Variants in PSMD3 observed in about 807,000 individuals in gnomAD.
PSMD3 encodes 26S proteasome non-ATPase regulatory subunit 3.
In PSMD3, 5 loss-of-function variants were observed where a neutral mutation model predicts 62.8. The observed-to-expected ratio is 0.08, with a 90% CI of 0.04 to 0.17. PSMD3 has a LOEUF of 0.17. PSMD3 is among the 10% of genes least tolerant of loss of function. The pLI is 1.00. For missense variants in PSMD3, 524 were observed against 713.6 expected, an observed-to-expected ratio of 0.73 and a Z score of 3.03; for synonymous variants, 265 against 283.9, an observed-to-expected ratio of 0.93 and a Z score of 0.67.
chr17:39,994,316 TG>T (rs1212573388), intron 6 of PSMD3: 1 of 152,756 alleles, frequency 6.5e-6, no homozygotes, highest in East Asian at 1.9e-4. Flanking sequence ...ACTCCTGAGT[TG>T]GGGGGCGTCA....
Position 39,981,043 on chromosome 17 carries a change from G to A in PSMD3, c.73G>A (p.Glu25Lys). The A allele has an allele frequency of 6.5e-7, 1 of 1,549,836 alleles. No homozygotes were observed. The highest frequency in any genetic ancestry group is 8.7e-7 in the Non-Finnish European group (1 of 1,146,764). Residue 25 changes from glutamate (E) to lysine (K), a missense_variant, in exon 1 of 12, where the codon GAA becomes AAA. Physicochemically the swap from Glu to Lys is moderately conservative, Grantham distance 56. Coordinates refer to ENST00000264639, the MANE Select transcript of PSMD3 (RefSeq NM_002809.4). ...AKPPPGGGEQEPPPPPAPQDV... is the reference protein window; with the variant it reads ...AKPPPGGGEQKPPPPPAPQDV... ...ACCGCCGCCCGGCGGAGGAGAACAA[G>A]AACCCCCACCGCCGCCGGCCCCCCA...
intron 2 of PSMD3, among the ~76,000 whole-genome samples, chr17:39,985,522 A>G (rs920072058): frequency 6.6e-6 from 1 of 152,170 alleles, no homozygotes; most frequent in Non-Finnish European, 1.5e-5. Flanking sequence ...CTCATGATTC[A>G]TGGCATGGGC....
intron 1 of PSMD3, among the ~76,000 whole-genome samples, chr17:39,983,604 G>T (rs1166731309): frequency 2.0e-5 from 3 of 151,968 alleles, no homozygotes; most frequent in Non-Finnish European, 2.9e-5. Flanking sequence ...TATCTAAAAG[G>T]GTTTTTTTAA....
In PSMD3 at chr17:39,996,043, C is replaced by T. The variant is rs1598315495; in HGVS notation, c.1321-140C>T. On this transcript the variant is annotated intron_variant, in intron 9 of 11. Transcript: ENST00000264639. The surrounding 1 kb of genome is among the most constrained non-coding windows in gnomAD (Gnocchi z 5.1). The stretch of plus-strand genomic sequence containing the variant: ...CTGAGGCAGGAGAATCGCTTGAACC[C>T]GGGAGGTAAAGGTTGCAGTGAGCTG... 1.2e-5 allele frequency: 12 copies of T among 1,002,706 alleles called. No individual in the cohort carries two copies. Among genetic ancestry groups the T allele is most frequent in the Admixed American group, 2.2e-5 (1 of 45,382 alleles). 62.1% of individuals were successfully genotyped at this position (1,002,706 alleles called of 1,614,324 possible).
chr17:39,984,260 A>G, intron 1 of PSMD3, 34 bp from the exon 2 acceptor site: 1 of 1,547,790 alleles, frequency 6.5e-7, no homozygotes, highest in Admixed American at 1.8e-5. Flanking sequence ...CTAGGAGTGA[A>G]AGTGACATCA....
chr17:39,985,184 C>T (rs181615323), intron 2 of PSMD3, among the ~76,000 whole-genome samples: 3 of 152,246 alleles, frequency 2.0e-5, no homozygotes, highest in Admixed American at 2.0e-4. Context: ...ACCAAGATTG[C>T]ACCACTGCAC....
rs1035110947 is a variant in PSMD3, at chr17:39,986,660, A to G, written c.497A>G (p.Tyr166Cys). ...CCCCTCCTGCCTGAAGTGGAAGCCT[A>G]TCTCCAACTCCTCGTGGTCATCTTC... is the stretch of plus-strand genomic sequence containing the variant. ...STPLLPEVEA[Y>C]LQLLVVIFMM... The change falls in exon 3 of 12, where the codon TAT (tyrosine) becomes TGT (cysteine). Residue 166 changes from tyrosine to cysteine, a missense_variant. Physicochemically the swap from Tyr to Cys is radical, Grantham distance 194. Around this residue, in one of 4 missense-constraint regions of PSMD3, gnomAD observed 396 missense variants for 475.8 expected, o/e 0.83. Coordinates refer to ENST00000264639, the MANE Select transcript of PSMD3 (RefSeq NM_002809.4). The G allele has an allele frequency of 1.9e-6, 3 of 1,614,026 alleles. No individual in the cohort carries two copies. Among genetic ancestry groups the G allele is most frequent in the African/African-American group, 1.3e-5 (1 of 74,916 alleles).
chr17:39,995,860 T>G lies in PSMD3; in HGVS notation c.1321-323T>G. 1 of 479,556 alleles carries G rather than the reference T, an allele frequency of 2.1e-6. No individual in the cohort carries two copies. Among genetic ancestry groups the G allele is most frequent in the Non-Finnish European group, 3.8e-6 (1 of 262,608 alleles). 29.7% of individuals were successfully genotyped at this position (479,556 alleles called of 1,614,324 possible). On this transcript the variant is annotated intron_variant, in intron 9 of 11. Coordinates refer to ENST00000264639, the MANE Select transcript of PSMD3 (RefSeq NM_002809.4). This position sits in a 1 kb window ranked among gnomAD's most constrained non-coding sequence, Gnocchi z 4.1. ...TGGGCCAGGCGCAGTGGCTCATGCC[T>G]GTAATCCCAGCACTTTGGGAGGCTG...
At chr17:39,992,955 G>A (rs1027093518) in intron 6 of PSMD3, 4 of 152,434 alleles carry the variant, frequency 2.6e-5, no homozygotes, top group South Asian at 2.1e-4. Context: ...CCCAGCTTCA[G>A]CGCTCGCCTG....
rs768012988 is a variant in PSMD3 at position 39,996,254 on chromosome 17, T to C, written c.1392T>C (p.Ile464=). The C allele has an allele frequency of 6.2e-7, 1 of 1,614,014 alleles. No homozygotes were observed. The highest frequency in any genetic ancestry group is 2.2e-5 in the East Asian group (1 of 44,880). The change falls in exon 10 of 12, where the codon ATT becomes ATC. Residue 464 remains isoleucine (I), a synonymous_variant. Transcript: ENST00000264639. This position sits in a 1 kb window ranked among gnomAD's most constrained non-coding sequence, Gnocchi z 5.1. The part of the protein sequence containing the change: ...EKGYVQSKEM[I]DIYSTREPQL... ...GCTATGTCCAATCCAAGGAGATGAT[T>C]GACATCTATTCCACCCGAGAGCCCC...
At chr17:39,990,394 A>C (rs1344834024) in intron 6 of PSMD3, among the ~76,000 whole-genome samples, 197 bp downstream of exon 6, 1 of 151,932 alleles carries the variant, frequency 6.6e-6, no homozygotes, top group East Asian at 1.9e-4. Flanking sequence ...CTACCACTTC[A>C]GTTCTCTTCT....
At position 39,996,412 on chromosome 17, in the gene PSMD3, A is replaced by C; in HGVS notation, c.1476+74A>C. On this transcript the variant is annotated intron_variant, in intron 10 of 11. Transcript: ENST00000264639. This position sits in a 1 kb window ranked among gnomAD's most constrained non-coding sequence, Gnocchi z 5.1. ...CCCTCCACACTCATGGATTCCTCAG[A>C]GAAGACTGGCTTAATTTGTGGCCCA... 1 of 1,542,814 alleles carries C rather than the reference A, an allele frequency of 6.5e-7. No individual in the cohort carries two copies. The highest frequency in any genetic ancestry group is 8.8e-7 in the Non-Finnish European group (1 of 1,134,414).
At chr17:39,985,968 C>T (rs1396224708) in intron 2 of PSMD3, among the ~76,000 whole-genome samples, 1 of 152,178 alleles carries the variant, frequency 6.6e-6, no homozygotes, top group Non-Finnish European at 1.5e-5. Context: ...TTAATGTCTC[C>T]ACTTAGGTTG....
chr17:39,989,038 A>G (rs1980593018), intron 4 of PSMD3, among the ~76,000 whole-genome samples: 2 of 152,194 alleles, frequency 1.3e-5, no homozygotes, highest in Non-Finnish European at 2.9e-5. Context: ...AACTGTCCCC[A>G]GGTTCTTCCC....
chr17:39,989,768 C>T lies in PSMD3; in HGVS notation c.716C>T (p.Thr239Met), dbSNP rs148147676. ...SFLHARLRTA[T>M]LRHDADGQAT... The stretch of plus-strand genomic sequence containing the variant: ...TTGCATGCTCGGCTCCGGACAGCTA[C>T]GCTTCGGCATGACGCAGACGGGCAG... The change falls in exon 5 of 12, where the codon ACG becomes ATG. Residue 239 changes from threonine (T) to methionine (M), a missense_variant. Physicochemically the swap from Thr to Met is moderately conservative, Grantham distance 81. Coordinates refer to ENST00000264639, the MANE Select transcript of PSMD3 (RefSeq NM_002809.4). 3.2e-5 allele frequency: 51 copies of T among 1,613,986 alleles called. No homozygotes were observed. The highest frequency in any genetic ancestry group is 9.3e-5 in the African/African-American group (7 of 75,040).
intron 4 of PSMD3, 136 bp from the exon 5 acceptor site, chr17:39,989,603 A>G: frequency 1.2e-6 from 1 of 826,970 alleles, no homozygotes; most frequent in Non-Finnish European, 1.9e-6. Flanking sequence ...GGCACTCGAT[A>G]GTTAACAGTA....
At chr17:39,991,538 G>A (rs1980654999) in intron 6 of PSMD3, among the ~76,000 whole-genome samples, 1 of 152,188 alleles carries the variant, frequency 6.6e-6, no homozygotes. Flanking sequence ...AAGTCACAGA[G>A]CCCAGTAGCC....
intron 3 of PSMD3, 98 bp from the exon 4 acceptor site, chr17:39,988,585 C>T (rs1462950178): frequency 3.6e-6 from 5 of 1,374,142 alleles, no homozygotes; most frequent in Non-Finnish European, 4.0e-6. Context: ...GTTCTCTTGG[C>T]TTGCATACCT....
At position 39,996,366 on chromosome 17, in the gene PSMD3, G is replaced by A. The variant is rs73301229; in HGVS notation, c.1476+28G>A. On this transcript the variant is annotated intron_variant, in intron 10 of 11. Transcript: ENST00000264639. The surrounding 1 kb of genome is among the most constrained non-coding windows in gnomAD (Gnocchi z 5.1). ...GAGAAGCCCGTGGCTGCAGAGTCAC[G>A]CCTGGCAGCAGCACACCCCTCCCTC... 2,172 of 1,607,370 alleles carry A rather than the reference G, an allele frequency of 1.4e-3. 33 individuals are homozygous for A. In the African/African-American group the frequency reaches 0.025, roughly 19 times the overall value.
Sources: gnomAD v4.1 joint callset for allele counts (sites outside exome capture counted in the v4.1 genomes callset) on GRCh38, gnomAD v4.1.1 for gene constraint, gnomAD v4.1.1 regional missense constraint, Gnocchi (gnomAD v3.1) non-coding constraint, MANE v1.5 for transcripts, NCBI Gene and HGNC (gene_info 2026-07-23, HGNC 2026-07-21) for gene names.